CLEC4F: variants seen among roughly 807,000 people sequenced by gnomAD.
CLEC4F encodes C-type (calcium dependent, carbohydrate-recognition domain) lectin, superfamily member 13.
A neutral mutation model predicts 53.4 loss-of-function variants in CLEC4F; 45 were observed. That is an observed-to-expected ratio of 0.84 (90% CI 0.66 to 1.08). The LOEUF (loss-of-function observed/expected upper bound fraction) is 1.08. CLEC4F is among the 50% of genes least tolerant of loss of function. CLEC4F has a pLI of 0.00. For synonymous variants in CLEC4F, 245 were observed against 257.5 expected (o/e 0.95, Z 0.46); for missense variants, 753 against 698.2 (o/e 1.08, Z -0.88).
At chr2:70,821,739 G>A (rs1677228499), upstream of CLEC4F, among the ~76,000 whole-genome samples, 1 of 152,024 alleles carries the variant, frequency 6.6e-6, no homozygotes, top group Non-Finnish European at 1.5e-5. Context: ...TTTTGTTTGA[G>A]ACAGGGTCTC....
intron 5 of CLEC4F, among the ~76,000 whole-genome samples, chr2:70,812,172 G>C (rs577243897): frequency 6.6e-6 from 1 of 152,226 alleles, no homozygotes; most frequent in East Asian, 1.9e-4. Flanking sequence ...GCACTTAAGG[G>C]CATCACCTGA....
upstream of CLEC4F, among the ~76,000 whole-genome samples, chr2:70,824,420 A>T (rs75507500): frequency 6.6e-6 from 1 of 152,166 alleles, no homozygotes; most frequent in East Asian, 1.9e-4. Flanking sequence ...AATATTACTT[A>T]GCTCTCTCAG....
chr2:70,814,615 T>G (rs1676791406), intron 4 of CLEC4F, among the ~76,000 whole-genome samples: 1 of 152,194 alleles, frequency 6.6e-6, no homozygotes, highest in South Asian at 2.1e-4. Flanking sequence ...AAAATTTATT[T>G]TATTATGAGC....
At chr2:70,820,046 G>A (rs1455873068) in intron 1 of CLEC4F, among the ~76,000 whole-genome samples, 155 bp from the exon 2 acceptor site, 1 of 152,172 alleles carries the variant, frequency 6.6e-6, no homozygotes, top group African/African-American at 2.4e-5. Flanking sequence ...TGGTTATGGA[G>A]AAGGAAGACA....
chr2:70,813,639 C>CTTTCTTTCTTTG (rs1558612717), intron 4 of CLEC4F, among the ~76,000 whole-genome samples: 2 of 123,796 alleles, frequency 1.6e-5, no homozygotes, highest in African/African-American at 6.1e-5. Context: ...TTCTTTCTTT[C>CTTTCTTTCTTTG]TTTCGCTCTC....
At chr2:70,823,675 T>C (rs909483090), upstream of CLEC4F, among the ~76,000 whole-genome samples, 3 of 151,504 alleles carry the variant, frequency 2.0e-5, no homozygotes, top group Admixed American at 2.0e-4. Context: ...AACCAGGGGG[T>C]TGCTATGTCT....
chr2:70,816,633 C>T lies in CLEC4F; in HGVS notation c.748G>A (p.Ala250Thr), dbSNP rs781822853. 8.1e-6 allele frequency: 13 copies of T among 1,614,048 alleles called. No homozygotes were observed. Among genetic ancestry groups the T allele is most frequent in the Non-Finnish European group, 9.3e-6 (11 of 1,180,048 alleles). ...CTCAAAACATAGATCTCAGCATTAG[C>T]GTTCTTTAAACTGCTATTGGCTAAC... is the stretch of plus-strand genomic sequence containing the variant. ...AQLANSSLKN[A>T]NAEIYVLRGH... The change falls in exon 4 of 7, where the codon GCT (alanine) becomes ACT (threonine). Residue 250 changes from alanine to threonine, a missense_variant. Coordinates refer to ENST00000272367, the MANE Select transcript of CLEC4F (RefSeq NM_173535.3).
chr2:70,810,725 T>G (rs550877346), intron 5 of CLEC4F: 11 of 367,116 alleles, frequency 3.0e-5, no homozygotes, highest in Admixed American at 1.7e-4. Context: ...ACGATTGATG[T>G]GTCTAAAATG....
At position 70,808,926 on chromosome 2, in the gene CLEC4F, C is replaced by T. The variant is rs1281332163; in HGVS notation, c.*345G>A. The T allele has an allele frequency of 7.0e-6, 5 of 716,942 alleles. No individual in the cohort carries two copies. In the African/African-American group the frequency reaches 8.8e-5, roughly 13 times the overall value. The allele number at this position is 716,942 out of a possible 1,614,324, so 44.4% of individuals were successfully genotyped here. The stretch of plus-strand genomic sequence containing the variant: ...GGAGCAGCCCCTCAGCTCTGGCCTG[C>T]CCTCAGGCCACACCCTGGCCCATGG... On this transcript the variant is annotated 3_prime_UTR_variant, in exon 7 of 7. Coordinates refer to ENST00000272367, the MANE Select transcript of CLEC4F (RefSeq NM_173535.3).
intron 5 of CLEC4F, chr2:70,810,861 G>A (rs1676519379): frequency 1.8e-6 from 1 of 554,498 alleles, no homozygotes; most frequent in Non-Finnish European, 3.5e-6. Flanking sequence ...GTACAATCAG[G>A]TTATCCTTGG....
At chr2:70,809,517 G>A (rs1553393632) in intron 6 of CLEC4F, 135 bp from the exon 7 acceptor site, 8 of 992,378 alleles carry the variant, frequency 8.1e-6, no homozygotes, top group African/African-American at 1.6e-5. Flanking sequence ...GTGTCCAAAC[G>A]CACACACATC....
upstream of CLEC4F, among the ~76,000 whole-genome samples, chr2:70,825,041 C>A (rs1280153010): frequency 6.6e-6 from 1 of 152,186 alleles, no homozygotes; most frequent in Non-Finnish European, 1.5e-5. Flanking sequence ...TCAAGGTCAA[C>A]GCCAACAGTA....
chr2:70,812,605 C>A lies in CLEC4F; in HGVS notation c.1388-7G>T, dbSNP rs918544682. ...ACCATCTGGAGAAGCTGACCTGGAG[C>A]AAAGATTGGGGAGAAAAGAGAACCA... On this transcript the variant is annotated splice_region_variant and splice_polypyrimidine_tract_variant and intron_variant, in intron 4 of 6. Transcript: ENST00000272367. 1.2e-6 allele frequency: 2 copies of A among 1,613,594 alleles called. No individual in the cohort carries two copies. Among genetic ancestry groups the A allele is most frequent in the Middle Eastern group, 1.7e-4 (1 of 6,048 alleles).
Position 70,809,777 on chromosome 2 carries a change from CCAG to C in CLEC4F, c.1617_1619del (p.Trp540del). ...CGGCGTTGAATGGTGTCCCATCTGT[CCAG>C]CGCCAGGAGCCCTCTGTGCCCCTGT... On this transcript the variant is annotated inframe_deletion, in exon 6 of 7. Coordinates refer to ENST00000272367, the MANE Select transcript of CLEC4F (RefSeq NM_173535.3). 9.3e-6 allele frequency: 15 copies of C among 1,614,126 alleles called. No homozygotes were observed. The highest frequency in any genetic ancestry group is 1.3e-5 in the Non-Finnish European group (15 of 1,179,970).
rs115455308 is a variant in CLEC4F, at chr2:70,815,286, T to C, written c.1387+708A>G. ...AGGATGAAGTTCAAGAGCCATCTTC[T>C]CACAAAGCATCTTTTGATCTTTTCC... On this transcript the variant is annotated intron_variant, in intron 4 of 6. Coordinates refer to ENST00000272367, the MANE Select transcript of CLEC4F (RefSeq NM_173535.3). 3.0e-3 allele frequency among the ~76,000 whole-genome samples: 453 copies of C among 152,320 alleles called. 1 individual carries two copies. Among genetic ancestry groups the C allele is most frequent in the Middle Eastern group, 0.01 (3 of 294 alleles).
intron 5 of CLEC4F, 34 bp from the exon 6 acceptor site, chr2:70,809,891 T>C (rs1392738198): frequency 3.3e-6 from 5 of 1,493,354 alleles, no homozygotes; most frequent in African/African-American, 2.8e-5. Context: ...TTTGCCCCTG[T>C]GTGTGGGGAG....
Position 70,819,756 on chromosome 2 carries a change from G to A in CLEC4F, c.178+19C>T. The A allele has an allele frequency of 6.6e-7, 1 of 1,523,700 alleles. No individual in the cohort carries two copies. The highest frequency in any genetic ancestry group is 8.9e-7 in the Non-Finnish European group (1 of 1,123,630). 94.4% of individuals were successfully genotyped at this position (1,523,700 alleles called of 1,614,324 possible). ...AAAGGAGAGAAAGTTAGTGAGATTT[G>A]GGTCACCTGGGGGCTTACCCACTAC... On this transcript the variant is annotated intron_variant, in intron 2 of 6. Coordinates refer to ENST00000272367, the MANE Select transcript of CLEC4F (RefSeq NM_173535.3).
At position 70,808,944 on chromosome 2, in the gene CLEC4F, G is replaced by T; in HGVS notation, c.*327C>A. 1.2e-6 allele frequency: 1 copy of T among 843,602 alleles called. No individual in the cohort carries two copies. The highest frequency in any genetic ancestry group is 1.9e-6 in the Non-Finnish European group (1 of 535,394). 52.3% of individuals were successfully genotyped at this position (843,602 alleles called of 1,614,324 possible). On this transcript the variant is annotated 3_prime_UTR_variant, in exon 7 of 7. Coordinates refer to ENST00000272367, the MANE Select transcript of CLEC4F (RefSeq NM_173535.3). ...TGGCCTGCCCTCAGGCCACACCCTG[G>T]CCCATGGGCTTCTTGCACACCCACT...
upstream of CLEC4F, among the ~76,000 whole-genome samples, chr2:70,823,633 C>T (rs1677281005): frequency 6.6e-6 from 1 of 152,068 alleles, no homozygotes; most frequent in Non-Finnish European, 1.5e-5. Context: ...TTCTATTTCC[C>T]ACAGGAACAC....
Sources: gnomAD v4.1 joint callset for allele counts (sites outside exome capture counted in the v4.1 genomes callset) on GRCh38, gnomAD v4.1.1 for gene constraint, MANE v1.5 for transcripts, NCBI Gene and HGNC (gene_info 2026-07-23, HGNC 2026-07-21) for gene names.